The following ABCB1 variants were observed in gnomAD, a reference collection of about 807,000 sequenced individuals.
The protein encoded by ABCB1 is ATP binding cassette subfamily B member 1.
A neutral mutation model predicts 142.0 loss-of-function variants in ABCB1; 69 were observed. That is an observed-to-expected ratio of 0.49 (90% CI 0.40 to 0.59). The LOEUF (loss-of-function observed/expected upper bound fraction) is 0.59. Among genes scored for constraint, ABCB1 ranks in the 20% least tolerant of loss-of-function variants. The pLI is 0.00. For synonymous variants in ABCB1, 532 were observed against 539.2 expected (o/e 0.99, Z 0.18); for missense variants, 1,326 against 1,554.7 (o/e 0.85, Z 2.47).
chr7:87,587,213 A>G (rs1818795626), intron 3 of ABCB1, among the ~76,000 whole-genome samples: 1 of 152,242 alleles, frequency 6.6e-6, no homozygotes, highest in African/African-American at 2.4e-5. Context: ...ATTAAAGTAG[A>G]TAAAATATCA....
In ABCB1 at chr7:87,703,914, G is replaced by GTT. The variant is rs35797972; in HGVS notation, c.-331+9245_-331+9246dup. The stretch of plus-strand genomic sequence containing the variant: ...TTTTTTTTTTTTTTTTTTTTTTTTG[G>GTT]TTTTTTTTTTTTTTTTTTTTTTTTT... On this transcript the variant is annotated intron_variant, in intron 1 of 28. Coordinates refer to the ABCB1 transcript ENST00000265724. 1.4e-3 allele frequency among the ~76,000 whole-genome samples: 59 copies of GTT among 42,986 alleles called. 1 individual carries two copies. Among genetic ancestry groups the GTT allele is most frequent in the South Asian group, 2.6e-3 (3 of 1,170 alleles). 28.2% of individuals were successfully genotyped at this position (42,986 alleles called of 152,430 possible). A position where few individuals can be genotyped will look rare whatever the true frequency, so the allele number is the denominator to read the frequency against.
chr7:87,686,583 G>A (rs1487709105), intron 1 of ABCB1, among the ~76,000 whole-genome samples: 2 of 152,046 alleles, frequency 1.3e-5, no homozygotes, highest in East Asian at 1.9e-4. Context: ...CTTCAGCTTG[G>A]TGACATGAGG....
chr7:87,624,063 T>C (rs1219967304), intron 1 of ABCB1, among the ~76,000 whole-genome samples: 1 of 152,250 alleles, frequency 6.6e-6, no homozygotes, highest in African/African-American at 2.4e-5. Context: ...TCTTTGTCTA[T>C]GATTTGAGTT....
intron 1 of ABCB1, among the ~76,000 whole-genome samples, chr7:87,639,105 C>CG (rs1822163782): frequency 7.5e-6 from 1 of 132,630 alleles, no homozygotes; most frequent in African/African-American, 2.9e-5. Flanking sequence ...TGAGAAGAGA[C>CG]GGCACACCAC....
chr7:87,533,934 G>A (rs1490476480), intron 20 of ABCB1, among the ~76,000 whole-genome samples: 5 of 152,162 alleles, frequency 3.3e-5, no homozygotes, highest in Admixed American at 2.6e-4. Flanking sequence ...CATATAAGGT[G>A]AGTGCAGCCA....
intron 7 of ABCB1, among the ~76,000 whole-genome samples, chr7:87,563,136 C>T (rs1414289331): frequency 6.6e-6 from 1 of 152,032 alleles, no homozygotes; most frequent in Non-Finnish European, 1.5e-5. Flanking sequence ...CCTGAACAGA[C>T]CAATAAAGAG....
At chr7:87,589,837 G>GA (rs1818919970) in intron 3 of ABCB1, among the ~76,000 whole-genome samples, 48 of 85,004 alleles carry the variant, frequency 5.6e-4, no homozygotes, top group African/African-American at 3.2e-3. Flanking sequence ...AGAGAGAGAG[G>GA]GAGAGAGGGA....
chr7:87,555,681 A>C (rs1416565862), intron 8 of ABCB1, among the ~76,000 whole-genome samples: 1 of 152,194 alleles, frequency 6.6e-6, no homozygotes. Flanking sequence ...TCATCTGAAC[A>C]GAAAAATTAT....
intron 27 of ABCB1, 125 bp from the exon 28 acceptor site, chr7:87,504,574 C>A: frequency 7.9e-7 from 1 of 1,263,372 alleles, no homozygotes; most frequent in Non-Finnish European, 1.1e-6. Context: ...TTTGGGAGGC[C>A]AAGGCGGGCA....
intron 21 of ABCB1, among the ~76,000 whole-genome samples, chr7:87,523,734 T>C (rs1470611623): frequency 7.2e-5 from 11 of 152,094 alleles, no homozygotes; most frequent in Non-Finnish European, 1.5e-5. Flanking sequence ...AGTAAAGGGA[T>C]ATGGAAAAAG....
intron 1 of ABCB1, among the ~76,000 whole-genome samples, chr7:87,674,284 ATGCAGT>A (rs1826108022): frequency 6.6e-6 from 1 of 152,088 alleles, no homozygotes; most frequent in Non-Finnish European, 1.5e-5. Context: ...GCAGGTACTT[ATGCAGT>A]TGTGGCAGGG....
intron 1 of ABCB1, among the ~76,000 whole-genome samples, chr7:87,711,988 T>C (rs903412933): frequency 1.3e-5 from 2 of 152,208 alleles, no homozygotes; most frequent in Admixed American, 1.3e-4. Context: ...ATACAGGGTT[T>C]GACATTCTGG....
intron 1 of ABCB1, chr7:87,628,694 T>G (rs1304377438): frequency 1.9e-6 from 1 of 532,922 alleles, no homozygotes; most frequent in African/African-American, 2.0e-5. Context: ...ACACCCTTCC[T>G]CCCTCCAGGC....
At chr7:87,706,086 C>G (rs1829557998) in intron 1 of ABCB1, among the ~76,000 whole-genome samples, 1 of 152,132 alleles carries the variant, frequency 6.6e-6, no homozygotes. Flanking sequence ...GGTTGCTTAT[C>G]CTGTACATTC....
intron 18 of ABCB1, 127 bp from the exon 19 acceptor site, chr7:87,539,472 G>T: frequency 1.0e-6 from 1 of 965,472 alleles, no homozygotes; most frequent in Non-Finnish European, 1.6e-6. Context: ...GGCTTGCTAT[G>T]TTTCTGTGAC....
intron 1 of ABCB1, among the ~76,000 whole-genome samples, chr7:87,668,861 T>A (rs565638217): frequency 6.6e-6 from 1 of 152,320 alleles, no homozygotes; most frequent in East Asian, 1.9e-4. Flanking sequence ...TGATTTCAGT[T>A]CTTTTACATT....
intron 13 of ABCB1, among the ~76,000 whole-genome samples, 163 bp downstream of exon 13, chr7:87,549,688 C>T (rs930381261): frequency 4.6e-5 from 7 of 152,172 alleles, no homozygotes; most frequent in Admixed American, 1.3e-4. Context: ...AATGTATCTA[C>T]GACCAGTTGA....
rs2117050779 is a variant in ABCB1 at position 87,503,324 on chromosome 7, T to C, written c.*919A>G. Among the ~76,000 whole-genome samples the C allele has an allele frequency of 6.6e-6, 1 of 152,248 alleles. No individual in the cohort carries two copies. The highest frequency in any genetic ancestry group is 6.5e-5 in the Admixed American group (1 of 15,304). On this transcript the variant is annotated 3_prime_UTR_variant, in exon 28 of 28. Transcript: ENST00000622132. ...GTCCAGAGTCCCAACCTTTGGAATA[T>C]ATTTTTTTCTTTTTTTATCATGTTT...
chr7:87,711,526 T>G (rs1830085761), intron 1 of ABCB1, among the ~76,000 whole-genome samples: 1 of 152,078 alleles, frequency 6.6e-6, no homozygotes, highest in Admixed American at 6.6e-5. Flanking sequence ...CAACAGTCAT[T>G]CCTAATTAGC....
Sources: gnomAD v4.1 joint callset for allele counts (sites outside exome capture counted in the v4.1 genomes callset) on GRCh38, gnomAD v4.1.1 for gene constraint, MANE v1.5 for transcripts, NCBI Gene and HGNC (gene_info 2026-07-23, HGNC 2026-07-21) for gene names.